FAR2: variants seen among roughly 807,000 people sequenced by gnomAD.
FAR2 encodes fatty acyl-CoA reductase 2.
FAR2 carries 19 observed loss-of-function variants against 56.0 expected under a neutral mutation model. The observed-to-expected ratio is 0.34, with a 90% CI of 0.24 to 0.50. The LOEUF (loss-of-function observed/expected upper bound fraction) is 0.50, where lower values mean the gene tolerates loss of function less well. Ranked by LOEUF, FAR2 falls within the 20% of genes least tolerant of loss-of-function variation. The pLI, the probability that FAR2 is intolerant of heterozygous loss-of-function variation, is 0.98. For missense variants in FAR2, 508 were observed against 642.2 expected (o/e 0.79, Z 2.26); for synonymous variants, 219 against 218.8 (o/e 1.00, Z -0.01).
At chr12:29,192,099 G>T (rs2136608193) in intron 1 of FAR2, among the ~76,000 whole-genome samples, 1 of 152,328 alleles carries the variant, frequency 6.6e-6, no homozygotes, top group Non-Finnish European at 1.5e-5. Context: ...GAGAAAAATA[G>T]CTATGGCCCA....
chr12:29,274,372 C>T (rs1009413569), intron 2 of FAR2, among the ~76,000 whole-genome samples: 1 of 152,054 alleles, frequency 6.6e-6, no homozygotes, highest in Non-Finnish European at 1.5e-5. Context: ...AGGACATGAA[C>T]TCATCATTTT....
intron 1 of FAR2, among the ~76,000 whole-genome samples, chr12:29,254,109 T>A (rs1159778708): frequency 6.6e-6 from 1 of 152,136 alleles, no homozygotes; most frequent in Non-Finnish European, 1.5e-5. Context: ...GACTATGGAG[T>A]ATTGCTAATC....
chr12:29,312,027 G>T (rs1035388773), intron 8 of FAR2, 77 bp downstream of exon 8: 5 of 1,049,860 alleles, frequency 4.8e-6, no homozygotes, highest in Admixed American at 2.2e-5. Flanking sequence ...GTGTCATGGA[G>T]CTTAGAGCTT....
chr12:29,296,846 T>A (rs1949079837), intron 3 of FAR2, among the ~76,000 whole-genome samples, 175 bp from the exon 4 acceptor site: 1 of 152,250 alleles, frequency 6.6e-6, no homozygotes, highest in African/African-American at 2.4e-5. Flanking sequence ...CATCACTACA[T>A]AAAACATTCC....
chr12:29,286,192 C>T (rs74800643), intron 2 of FAR2, among the ~76,000 whole-genome samples: 5,380 of 152,110 alleles, frequency 0.035, 315 homozygotes, highest in African/African-American at 0.12. Flanking sequence ...AACTACAAAG[C>T]GGTGGGCACT....
intron 4 of FAR2, among the ~76,000 whole-genome samples, chr12:29,299,526 G>A (rs920286183): frequency 1.3e-5 from 2 of 152,122 alleles, no homozygotes; most frequent in East Asian, 1.9e-4. Flanking sequence ...GTCATTTACT[G>A]CTCTCCAAGG....
intron 1 of FAR2, among the ~76,000 whole-genome samples, chr12:29,160,202 G>A (rs1177790959): frequency 6.6e-6 from 1 of 152,218 alleles, no homozygotes; most frequent in Admixed American, 6.5e-5. Context: ...GTCAGTTCAG[G>A]AAAGATGCCT....
At chr12:29,329,040 AAAT>A (rs1949692041) in intron 10 of FAR2, among the ~76,000 whole-genome samples, 1 of 152,158 alleles carries the variant, frequency 6.6e-6, no homozygotes, top group African/African-American at 2.4e-5. Flanking sequence ...TATCCATGTC[AAAT>A]ACAATAAATA....
chr12:29,280,399 T>C (rs1034456298), intron 2 of FAR2: 7 of 152,354 alleles, frequency 4.6e-5, no homozygotes, highest in African/African-American at 1.2e-4. Flanking sequence ...ATTAGAAAGA[T>C]ATTTAAGAAT....
chr12:29,272,579 C>G (rs1948637239), intron 2 of FAR2, among the ~76,000 whole-genome samples: 1 of 152,212 alleles, frequency 6.6e-6, no homozygotes, highest in East Asian at 1.9e-4. Flanking sequence ...TTAGAACATG[C>G]TCCTTTAGCT....
intron 4 of FAR2, among the ~76,000 whole-genome samples, chr12:29,301,158 A>C (rs1358903651): frequency 6.6e-6 from 1 of 152,218 alleles, no homozygotes; most frequent in Non-Finnish European, 1.5e-5. Flanking sequence ...TTAGTACAAA[A>C]ACTTTAGCAC....
intron 1 of FAR2, among the ~76,000 whole-genome samples, chr12:29,181,173 G>A (rs1002313203): frequency 6.6e-6 from 1 of 151,724 alleles, no homozygotes; most frequent in Non-Finnish European, 1.5e-5. Flanking sequence ...GAAACAGAGA[G>A]ATAAATTTTT....
chr12:29,258,215 C>T (rs1056914703), intron 1 of FAR2, among the ~76,000 whole-genome samples: 3 of 150,830 alleles, frequency 2.0e-5, no homozygotes, highest in Non-Finnish European at 4.4e-5. Flanking sequence ...ATTAGCCAGG[C>T]GTAGTGGCAG....
At chr12:29,319,316 C>T (rs918957755) in intron 9 of FAR2, among the ~76,000 whole-genome samples, 1 of 152,120 alleles carries the variant, frequency 6.6e-6, no homozygotes, top group Admixed American at 6.5e-5. Flanking sequence ...GTATGTCTTA[C>T]CCTCTTAATG....
chr12:29,263,723 T>C (rs1948463716), intron 1 of FAR2, among the ~76,000 whole-genome samples: 1 of 148,470 alleles, frequency 6.7e-6, no homozygotes, highest in Admixed American at 6.8e-5. Flanking sequence ...TCAGTCCAGC[T>C]GAGAGAACTG....
At chr12:29,178,471 C>T (rs1354984354) in intron 1 of FAR2, among the ~76,000 whole-genome samples, 1 of 152,184 alleles carries the variant, frequency 6.6e-6, no homozygotes, top group African/African-American at 2.4e-5. Context: ...TGGTGCCTGT[C>T]TGTAGTTCCA....
chr12:29,284,507 T>C (rs748077730), intron 2 of FAR2, among the ~76,000 whole-genome samples: 1 of 152,188 alleles, frequency 6.6e-6, no homozygotes, highest in Non-Finnish European at 1.5e-5. Context: ...AAACCCTCAG[T>C]TGCCCCTGAG....
At chr12:29,207,467 C>G (rs780765597) in intron 1 of FAR2, among the ~76,000 whole-genome samples, 18 of 152,174 alleles carry the variant, frequency 1.2e-4, no homozygotes, top group Non-Finnish European at 4.4e-5. Flanking sequence ...CAAGGTAAAG[C>G]AGGCCACCCT....
intron 1 of FAR2, among the ~76,000 whole-genome samples, chr12:29,260,896 C>T (rs1014529342): frequency 6.6e-6 from 1 of 152,154 alleles, no homozygotes; most frequent in Non-Finnish European, 1.5e-5. Flanking sequence ...CAAGGCAGTA[C>T]CTTCATGACT....
Sources: gnomAD v4.1 joint callset for allele counts (sites outside exome capture counted in the v4.1 genomes callset) on GRCh38, gnomAD v4.1.1 for gene constraint, MANE v1.5 for transcripts, NCBI Gene and HGNC (gene_info 2026-07-23, HGNC 2026-07-21) for gene names.